The following PHLPP1 variants were observed in gnomAD, a reference collection of about 807,000 sequenced individuals.
PHLPP1 encodes the protein PH domain and leucine rich repeat protein phosphatase 1, also known as PH domain leucine-rich repeat-containing protein phosphatase 1.
Under a neutral mutation model 117.2 loss-of-function variants are expected in PHLPP1, and 42 were observed. The observed-to-expected ratio is 0.36, with a 90% CI of 0.28 to 0.46. The LOEUF is 0.46. PHLPP1 is among the 20% of genes least tolerant of loss of function. The pLI is 1.00. For synonymous variants in PHLPP1, 1,042 were observed against 970.7 expected, an observed-to-expected ratio of 1.07 and a Z score of -1.37; for missense variants, 2,084 against 2,241.9, an observed-to-expected ratio of 0.93 and a Z score of 1.42.
chr18:62,871,870 C>T (rs1915912369), intron 4 of PHLPP1, among the ~76,000 whole-genome samples: 1 of 152,048 alleles, frequency 6.6e-6, no homozygotes. Flanking sequence ...GTCTTGAATT[C>T]CTCACCTCAA....
chr18:62,792,970 T>A (rs565671380), intron 1 of PHLPP1, among the ~76,000 whole-genome samples: 1 of 147,884 alleles, frequency 6.8e-6, no homozygotes, highest in East Asian at 2.0e-4. Context: ...AGGTTGGGAG[T>A]TCGAGACCAG....
chr18:62,852,743 G>A (rs772874855), intron 3 of PHLPP1, among the ~76,000 whole-genome samples: 1 of 152,144 alleles, frequency 6.6e-6, no homozygotes, highest in Non-Finnish European at 1.5e-5. Flanking sequence ...TTTTGAGCAT[G>A]CCATGCACAT....
At chr18:62,926,069 GT>G (rs1426554409) in intron 10 of PHLPP1, among the ~76,000 whole-genome samples, 1 of 152,194 alleles carries the variant, frequency 6.6e-6, no homozygotes, top group African/African-American at 2.4e-5. Flanking sequence ...TTAAAGTGTT[GT>G]GTTCCTCAAA....
intron 1 of PHLPP1, among the ~76,000 whole-genome samples, chr18:62,797,005 T>C (rs1913647437): frequency 6.6e-6 from 1 of 152,220 alleles, no homozygotes; most frequent in African/African-American, 2.4e-5. Context: ...GCAGAAGATA[T>C]ATAAATATTG....
At chr18:62,819,930 G>A (rs1403916787) in intron 1 of PHLPP1, among the ~76,000 whole-genome samples, 1 of 152,164 alleles carries the variant, frequency 6.6e-6, no homozygotes, top group Non-Finnish European at 1.5e-5. Flanking sequence ...TTACAGGTGT[G>A]AACCTCTGTG....
chr18:62,856,931 G>T (rs1915512582), intron 3 of PHLPP1, among the ~76,000 whole-genome samples: 2 of 147,370 alleles, frequency 1.4e-5, no homozygotes, highest in Admixed American at 6.8e-5. Flanking sequence ...TTCTCAAGCT[G>T]TTTTTTTTTT....
At chr18:62,917,396 T>TTGTGTGTGTG (rs34407573) in intron 9 of PHLPP1, among the ~76,000 whole-genome samples, 13,758 of 141,296 alleles carry the variant, frequency 0.097, 727 homozygotes, top group East Asian at 0.13. Context: ...ACAGTATTCT[T>TTGTGTGTGTG]TGTGTGTGTG....
At chr18:62,752,837 A>G (rs777864423) in intron 1 of PHLPP1, among the ~76,000 whole-genome samples, 4 of 152,276 alleles carry the variant, frequency 2.6e-5, no homozygotes, top group Non-Finnish European at 5.9e-5. Flanking sequence ...GAAGCTGACC[A>G]TGCAGTTAAA....
At chr18:62,920,682 C>T (rs1442889720) in intron 10 of PHLPP1, among the ~76,000 whole-genome samples, 1 of 152,136 alleles carries the variant, frequency 6.6e-6, no homozygotes, top group East Asian at 1.9e-4. Flanking sequence ...GCCTCAGCCT[C>T]CCAAGTAGCT....
At chr18:62,902,253 C>T (rs1272846572) in intron 6 of PHLPP1, among the ~76,000 whole-genome samples, 9 of 152,108 alleles carry the variant, frequency 5.9e-5, no homozygotes, top group East Asian at 5.8e-4. Flanking sequence ...CATTTTTGTC[C>T]GGCATTCTAA....
chr18:62,715,910 G>C lies in PHLPP1; in HGVS notation c.227G>C (p.Gly76Ala), dbSNP rs1208499353. The stretch of plus-strand genomic sequence containing the variant: ...AGCGGGGCGCGGGAAGAGGCCCCAG[G>C]CGAGGCGCCGCCGGGGCCGCTGCCG... Reference protein sequence around the residue: ...SGSGAREEAPGEAPPGPLPGR... With the variant: ...SGSGAREEAPAEAPPGPLPGR... The change falls in exon 1 of 17, where the codon GGC becomes GCC. Residue 76 changes from glycine (G) to alanine (A), a missense_variant. This residue lies in a region of PHLPP1 where 719 missense variants were observed against 636.0 expected (regional missense o/e 1.13). Transcript: ENST00000262719. 3 of 948,608 alleles carry C rather than the reference G, an allele frequency of 3.2e-6. No individual in the cohort carries two copies. Among genetic ancestry groups the C allele is most frequent in the Non-Finnish European group, 3.8e-6 (3 of 790,820 alleles). 58.8% of individuals were successfully genotyped at this position (948,608 alleles called of 1,614,324 possible).
At chr18:62,842,217 CG>C in intron 3 of PHLPP1, among the ~76,000 whole-genome samples, 1 of 152,172 alleles carries the variant, frequency 6.6e-6, no homozygotes, top group Non-Finnish European at 1.5e-5. Context: ...TATAAAGACA[CG>C]GGTCTTAGTT....
intron 10 of PHLPP1, among the ~76,000 whole-genome samples, chr18:62,922,116 T>G (rs967470127): frequency 2.0e-5 from 3 of 151,278 alleles, no homozygotes; most frequent in Admixed American, 6.6e-5. Flanking sequence ...GTTTTGGGTT[T>G]TTTGTTTGTT....
chr18:62,716,533 G>T lies in PHLPP1; in HGVS notation c.850G>T (p.Ala284Ser). The T allele has an allele frequency of 8.5e-7, 1 of 1,181,082 alleles. No homozygotes were observed. The highest frequency in any genetic ancestry group is 1.0e-6 in the Non-Finnish European group (1 of 956,170). The allele number at this position is 1,181,082 out of a possible 1,614,324, so 73.2% of individuals were successfully genotyped here. A position where few individuals can be genotyped will look rare whatever the true frequency, so the allele number is the denominator to read the frequency against. ...GCCGCGGGACTCGGAGGTACCGCCCGCGAGGAGCGCGCCGGGTGCCTTCGG... is the reference window on the plus strand; with the variant it reads ...GCCGCGGGACTCGGAGGTACCGCCCTCGAGGAGCGCGCCGGGTGCCTTCGG... Reference protein sequence around the residue: ...PEPRDSEVPPARSAPGAFGGP... With the variant: ...PEPRDSEVPPSRSAPGAFGGP... Residue 284 changes from alanine to serine, a missense_variant, in exon 1 of 17, where the codon GCG (alanine) becomes TCG (serine). By Grantham distance (99) the Ala-to-Ser change is moderately conservative. This residue lies in a region of PHLPP1 where 719 missense variants were observed against 636.0 expected (regional missense o/e 1.13). Coordinates refer to ENST00000262719, the MANE Select transcript of PHLPP1 (RefSeq NM_194449.4). The surrounding 1 kb of genome is among the most constrained non-coding windows in gnomAD (Gnocchi z 5.7).
chr18:62,716,629 G>T lies in PHLPP1; in HGVS notation c.946G>T (p.Ala316Ser). 7.5e-7 allele frequency: 1 copy of T among 1,337,420 alleles called. No homozygotes were observed. The highest frequency in any genetic ancestry group is 1.9e-5 in the South Asian group (1 of 51,854). 82.8% of individuals were successfully genotyped at this position (1,337,420 alleles called of 1,614,324 possible). A position where few individuals can be genotyped will look rare whatever the true frequency, so the allele number is the denominator to read the frequency against. The change falls in exon 1 of 17, where the codon GCC becomes TCC. Residue 316 changes from alanine (A) to serine (S), a missense_variant. By Grantham distance (99) the Ala-to-Ser change is moderately conservative (BLOSUM62 1). Coordinates refer to ENST00000262719, the MANE Select transcript of PHLPP1 (RefSeq NM_194449.4). The surrounding 1 kb of genome is among the most constrained non-coding windows in gnomAD (Gnocchi z 5.7). ...CGGCCCGGGCGGGTGGTCGCGCCGCGCCAGCCCAGCGCCCTCGGACTCCAG... is the reference window on the plus strand; with the variant it reads ...CGGCCCGGGCGGGTGGTCGCGCCGCTCCAGCCCAGCGCCCTCGGACTCCAG... ...VGGPGGWSRR[A>S]SPAPSDSSPG...
intron 1 of PHLPP1, among the ~76,000 whole-genome samples, chr18:62,825,223 T>A (rs1022384275): frequency 4.6e-5 from 7 of 151,966 alleles, no homozygotes; most frequent in Non-Finnish European, 1.0e-4. Flanking sequence ...CCTCCCAAAG[T>A]GCTAGGATTA....
intron 4 of PHLPP1, among the ~76,000 whole-genome samples, chr18:62,878,914 T>C (rs1916108383): frequency 6.6e-6 from 1 of 152,224 alleles, no homozygotes; most frequent in African/African-American, 2.4e-5. Context: ...CAGTGTCTTC[T>C]TGACATGCTC....
intron 4 of PHLPP1, among the ~76,000 whole-genome samples, chr18:62,865,577 C>T (rs1915751437): frequency 6.6e-6 from 1 of 152,274 alleles, no homozygotes; most frequent in East Asian, 1.9e-4. Context: ...ATCATACTGC[C>T]AAATCCTGAT....
intron 2 of PHLPP1, among the ~76,000 whole-genome samples, chr18:62,832,835 A>G (rs1914793768): frequency 1.3e-5 from 2 of 152,092 alleles, no homozygotes; most frequent in African/African-American, 2.4e-5. Context: ...ATTTAGATAT[A>G]GAAGAGCTAT....
Sources: allele counts gnomAD v4.1 joint callset (sites outside exome capture counted in the v4.1 genomes callset), GRCh38; gene constraint gnomAD v4.1.1; regional missense constraint gnomAD v4.1.1; non-coding constraint Gnocchi (gnomAD v3.1); transcripts MANE v1.5; gene names NCBI Gene and HGNC (gene_info 2026-07-23, HGNC 2026-07-21).